NUP62CL: variants seen among roughly 807,000 people sequenced by gnomAD.
The protein encoded by NUP62CL is nucleoporin 62 C-terminal like.
In NUP62CL, 13 loss-of-function variants were observed where a neutral mutation model predicts 15.3. The observed-to-expected ratio is 0.85, with a 90% CI of 0.55 to 1.35. NUP62CL has a LOEUF of 1.35. Among genes scored for constraint, NUP62CL ranks in the 40% most tolerant of loss-of-function variants. The pLI is 0.00. For synonymous variants in NUP62CL, 54 were observed against 49.2 expected (o/e 1.10, Z -0.41); for missense variants, 123 against 130.6 (o/e 0.94, Z 0.28).
intron 4 of NUP62CL, among the ~76,000 whole-genome samples, chrX:107,156,346 GAC>G (rs1446845664): frequency 9.8e-6 from 1 of 101,838 alleles, no homozygotes; most frequent in African/African-American, 3.7e-5. Context: ...CAAACAAAAA[GAC>G]AGCAGTAACC....
intron 2 of NUP62CL, among the ~76,000 whole-genome samples, chrX:107,182,396 G>A (rs1475391624): frequency 8.9e-6 from 1 of 112,173 alleles, no homozygotes; most frequent in Non-Finnish European, 1.9e-5. Context: ...TACTGAACTA[G>A]AAGAAGGGTT....
In NUP62CL at chrX:107,152,135, G is replaced by GATATATATATATATTCAGAT. The variant is rs5903301; in HGVS notation, c.530+1036_530+1037insATCTGAATATATATATATAT. Among the ~76,000 whole-genome samples the GATATATATATATATTCAGAT allele has an allele frequency of 4.0e-4, 19 of 47,267 alleles. 3 individuals carry two copies. The highest frequency in any genetic ancestry group is 1.8e-3 in the East Asian group (2 of 1,115). 41.0% of individuals were successfully genotyped at this position (47,267 alleles called of 115,157 possible). Reference sequence around the variant, plus strand: ...ATATTCAGATATATATATATATTCAGATATATATATATTCAGATATATATA... The same window carrying GATATATATATATATTCAGAT: ...ATATTCAGATATATATATATATTCAGATATATATATATATTCAGATATATATATATATTCAGATATATATA... On this transcript the variant is annotated intron_variant, in intron 7 of 8. Coordinates refer to ENST00000372466, the MANE Select transcript of NUP62CL (RefSeq NM_017681.3).
At chrX:107,184,217 A>G (rs1232116108) in intron 2 of NUP62CL, among the ~76,000 whole-genome samples, 1 of 110,062 alleles carries the variant, frequency 9.1e-6, no homozygotes, top group Non-Finnish European at 1.9e-5. Context: ...TAAAGCATTC[A>G]TGTAAAACAA....
At chrX:107,200,783 G>A (rs1239809056) in intron 1 of NUP62CL, among the ~76,000 whole-genome samples, 1 of 109,532 alleles carries the variant, frequency 9.1e-6, no homozygotes, top group Non-Finnish European at 1.9e-5. Context: ...GGGAGGGTAG[G>A]TGAGGAGAGG....
chrX:107,177,045 C>A (rs904309195), intron 2 of NUP62CL, among the ~76,000 whole-genome samples: 5 of 111,502 alleles, frequency 4.5e-5, no homozygotes, highest in African/African-American at 1.6e-4. Flanking sequence ...TCATAGATGA[C>A]ATGATCACGA....
intron 2 of NUP62CL, among the ~76,000 whole-genome samples, chrX:107,178,888 T>C (rs891137787): frequency 1.8e-5 from 2 of 109,947 alleles, no homozygotes; most frequent in African/African-American, 3.3e-5. Flanking sequence ...GGTCAAGAGA[T>C]AGAGACCATC....
At chrX:107,140,143 G>C (rs781619790) in intron 8 of NUP62CL, among the ~76,000 whole-genome samples, 85 of 111,638 alleles carry the variant, frequency 7.6e-4, no homozygotes, top group Non-Finnish European at 1.1e-3. Context: ...TTTCAAGGAA[G>C]AGTGTAAAAA....
At chrX:107,140,884 A>C (rs757533960) in intron 8 of NUP62CL, among the ~76,000 whole-genome samples, 3 of 111,961 alleles carry the variant, frequency 2.7e-5, no homozygotes, top group South Asian at 3.8e-4. Context: ...GATGGGCCCC[A>C]AAAAAAGCAT....
chrX:107,166,857 T>G (rs1011443034), intron 4 of NUP62CL, among the ~76,000 whole-genome samples: 5 of 111,710 alleles, frequency 4.5e-5, no homozygotes, highest in African/African-American at 1.6e-4. Context: ...TGTACAACAC[T>G]CTTGAAATGT....
In NUP62CL at chrX:107,147,607, T is replaced by A. The variant is rs951888016; in HGVS notation, c.*42+136A>T. On this transcript the variant is annotated intron_variant, in intron 8 of 8. Coordinates refer to ENST00000372466, the MANE Select transcript of NUP62CL (RefSeq NM_017681.3). ...AAGGAATTACAGTTTTTCAGAACTATAATACACATACTGTGCGTTAAGCAA... is the reference window on the plus strand; with the variant it reads ...AAGGAATTACAGTTTTTCAGAACTAAAATACACATACTGTGCGTTAAGCAA... 25 of 432,323 alleles carry A rather than the reference T, an allele frequency of 5.8e-5. No individual in the cohort carries two copies. The African/African-American group carries it at 5.9e-4, about 10-fold the overall frequency. 35.6% of individuals were successfully genotyped at this position (432,323 alleles called of 1,213,427 possible). A position where few individuals can be genotyped will look rare whatever the true frequency, so the allele number is the denominator to read the frequency against.
Position 107,202,427 on chromosome X carries a change from A to G in NUP62CL, c.-92+3846T>C, listed in dbSNP as rs961027854. ...AATTGTTTAAATTATAAATTAATAC[A>G]CACTCATATAATCTTCGAAAAAAAT... On this transcript the variant is annotated intron_variant, in intron 1 of 8. Coordinates refer to ENST00000372466, the MANE Select transcript of NUP62CL (RefSeq NM_017681.3). 1.4e-4 allele frequency: 16 copies of G among 111,341 alleles called. 1 individual carries two copies. Among genetic ancestry groups the G allele is most frequent in the Admixed American group, 4.8e-4 (5 of 10,430 alleles). The allele number at this position is 111,341 out of a possible 1,213,427, so 9.2% of individuals were successfully genotyped here.
chrX:107,196,663 T>A (rs1236411884), intron 1 of NUP62CL, among the ~76,000 whole-genome samples: 1 of 111,787 alleles, frequency 8.9e-6, no homozygotes, highest in Non-Finnish European at 1.9e-5. Flanking sequence ...TTGATCAGGC[T>A]GGTCTCAAAC....
chrX:107,169,819 T>TTTA (rs1556025102), intron 3 of NUP62CL, among the ~76,000 whole-genome samples: 1 of 108,597 alleles, frequency 9.2e-6, no homozygotes, highest in South Asian at 4.0e-4. Flanking sequence ...ATTTTTTTTT[T>TTTA]AAAAAAATGA....
intron 1 of NUP62CL, among the ~76,000 whole-genome samples, chrX:107,205,342 C>T (rs1206840378): frequency 8.9e-6 from 1 of 112,349 alleles, no homozygotes; most frequent in East Asian, 2.8e-4. Flanking sequence ...GACAGCTAAA[C>T]TCTGATCATT....
intron 2 of NUP62CL, among the ~76,000 whole-genome samples, chrX:107,181,620 A>G: frequency 9.0e-6 from 1 of 111,171 alleles, no homozygotes. Context: ...AAATCTTGTC[A>G]AGTCCTTCCT....
At chrX:107,155,979 G>C (rs1423618505) in intron 4 of NUP62CL, among the ~76,000 whole-genome samples, 2 of 112,257 alleles carry the variant, frequency 1.8e-5, no homozygotes, top group Admixed American at 1.9e-4. Flanking sequence ...AAGCGCAAGG[G>C]GTCAGGGAGT....
chrX:107,185,549 T>C (rs1340028246), intron 2 of NUP62CL, among the ~76,000 whole-genome samples: 4 of 111,088 alleles, frequency 3.6e-5, no homozygotes. Flanking sequence ...AAGAGATGTA[T>C]ACTGTATATG....
intron 8 of NUP62CL, among the ~76,000 whole-genome samples, chrX:107,127,429 A>G (rs1468806011): frequency 8.9e-6 from 1 of 112,158 alleles, no homozygotes; most frequent in Non-Finnish European, 1.9e-5. Context: ...AAGGTGGTAT[A>G]TTTGTGTATT....
At chrX:107,129,640 A>G (rs6616629) in intron 8 of NUP62CL, among the ~76,000 whole-genome samples, 17,327 of 111,144 alleles carry the variant, frequency 0.16, 1,251 homozygotes, top group East Asian at 0.46. Flanking sequence ...AGGTCCCCCA[A>G]TGAAAATGTC....
Sources: allele counts gnomAD v4.1 joint callset (sites outside exome capture counted in the v4.1 genomes callset), GRCh38; gene constraint gnomAD v4.1.1; transcripts MANE v1.5; gene names NCBI Gene and HGNC (gene_info 2026-07-23, HGNC 2026-07-21).